MCMDC2: variants seen among roughly 807,000 people sequenced by gnomAD.
The protein encoded by MCMDC2 is minichromosome maintenance domain-containing protein 2.
A neutral mutation model predicts 75.8 loss-of-function variants in MCMDC2; 54 were observed. The ratio of observed to expected loss-of-function variants is 0.71; its 90% CI spans 0.57 to 0.89. MCMDC2 has a LOEUF of 0.89. MCMDC2 is among the 40% of genes least tolerant of loss of function. The pLI is 0.00. For missense variants in MCMDC2, 656 were observed against 780.4 expected, an observed-to-expected ratio of 0.84 and a Z score of 1.90; for synonymous variants, 249 against 274.6, an observed-to-expected ratio of 0.91 and a Z score of 0.92.
chr8:66,908,184 A>G (rs1812977483), intron 14 of MCMDC2, among the ~76,000 whole-genome samples: 2 of 152,114 alleles, frequency 1.3e-5, no homozygotes. Flanking sequence ...GTTTTCTTCT[A>G]GGGTTTTTAT....
intron 14 of MCMDC2, among the ~76,000 whole-genome samples, chr8:66,909,437 G>A (rs1033438177): frequency 4.6e-5 from 7 of 152,312 alleles, no homozygotes; most frequent in Non-Finnish European, 8.8e-5. Context: ...AAGAAGATAG[G>A]AAGATGTGGG....
intron 14 of MCMDC2, among the ~76,000 whole-genome samples, chr8:66,910,701 T>C (rs1813075721): frequency 6.6e-6 from 1 of 151,818 alleles, no homozygotes. Context: ...CCCAGCTACT[T>C]GGTAGGCTGA....
At chr8:66,906,571 G>A (rs1294021574) in intron 14 of MCMDC2, among the ~76,000 whole-genome samples, 1 of 151,808 alleles carries the variant, frequency 6.6e-6, no homozygotes, top group East Asian at 1.9e-4. Flanking sequence ...GAGGAACATA[G>A]AGCATTAATT....
At chr8:66,887,409 G>A (rs191488556) in intron 9 of MCMDC2, among the ~76,000 whole-genome samples, 2 of 151,612 alleles carry the variant, frequency 1.3e-5, no homozygotes, top group African/African-American at 2.4e-5. Context: ...AAAATTAGCC[G>A]GGCATAGTGG....
intron 12 of MCMDC2, among the ~76,000 whole-genome samples, chr8:66,898,048 TTAGAA>T (rs1456811474): frequency 1.3e-5 from 2 of 152,050 alleles, no homozygotes; most frequent in Non-Finnish European, 2.9e-5. Context: ...TTCACATAGA[TTAGAA>T]TAGAAAAAAG....
intron 9 of MCMDC2, among the ~76,000 whole-genome samples, chr8:66,886,748 C>T (rs1001320286): frequency 6.6e-6 from 1 of 150,800 alleles, no homozygotes; most frequent in East Asian, 2.0e-4. Context: ...GCACTCCAGC[C>T]TGGGCAACAG....
intron 4 of MCMDC2, among the ~76,000 whole-genome samples, chr8:66,875,029 C>T (rs756112123): frequency 9.2e-5 from 14 of 152,172 alleles, no homozygotes; most frequent in Non-Finnish European, 1.8e-4. Context: ...GCTGGGATTA[C>T]AGGCGTGAGC....
chr8:66,890,945 G>A lies in MCMDC2; in HGVS notation c.1154G>A (p.Arg385Lys). The change falls in exon 10 of 15, where the codon AGG becomes AAG. Residue 385 changes from arginine to lysine, a missense_variant. Physicochemically the swap from Arg to Lys is conservative, Grantham distance 26. Coordinates refer to ENST00000422365, the MANE Select transcript of MCMDC2 (RefSeq NM_173518.5). ...ACTGAAATTTTTCCCACTCTATCCAGGAATAAGTATGGAACTGGAGCAGTT... is the reference window on the plus strand; with the variant it reads ...ACTGAAATTTTTCCCACTCTATCCAAGAATAAGTATGGAACTGGAGCAGTT... ...VSTEIFPTLS[R>K]NKYGTGAVSI... 2 of 1,613,736 alleles carry A rather than the reference G, an allele frequency of 1.2e-6. No individual in the cohort carries two copies. The highest frequency in any genetic ancestry group is 3.3e-4 in the Middle Eastern group (2 of 6,062).
intron 1 of MCMDC2, among the ~76,000 whole-genome samples, chr8:66,873,556 T>G (rs1228675173): frequency 6.6e-6 from 1 of 152,078 alleles, no homozygotes; most frequent in East Asian, 1.9e-4. Context: ...GTTTTTAAGT[T>G]TTCGATCTTG....
chr8:66,877,680 C>T (rs1811358418), intron 5 of MCMDC2, 136 bp downstream of exon 5: 1 of 574,834 alleles, frequency 1.7e-6, no homozygotes, highest in Admixed American at 3.8e-5. Context: ...GCCTGGGCAA[C>T]ATGGAGAAAC....
chr8:66,877,295 C>A, intron 4 of MCMDC2, 54 bp from the exon 5 acceptor site: 1 of 1,146,312 alleles, frequency 8.7e-7, no homozygotes, highest in Non-Finnish European at 1.3e-6. Context: ...TATTGTAATA[C>A]AAGTCAAATT....
At chr8:66,898,807 T>G (rs1812485544) in intron 12 of MCMDC2, among the ~76,000 whole-genome samples, 2 of 152,090 alleles carry the variant, frequency 1.3e-5, no homozygotes, top group Non-Finnish European at 2.9e-5. Flanking sequence ...GGGTAAAATT[T>G]AGATGCACAA....
At chr8:66,885,390 G>T in intron 9 of MCMDC2, among the ~76,000 whole-genome samples, 1 of 149,794 alleles carries the variant, frequency 6.7e-6, no homozygotes. Flanking sequence ...ATTTTAATTT[G>T]CATTTATTTA....
In MCMDC2 at chr8:66,919,948, A is replaced by C. The variant is rs1813458155; in HGVS notation, c.*779A>C. 6.6e-6 allele frequency: 1 copy of C among 152,194 alleles called. No individual in the cohort carries two copies. Among genetic ancestry groups the C allele is most frequent in the Admixed American group, 6.5e-5 (1 of 15,280 alleles). The allele number at this position is 152,194 out of a possible 1,614,324, so 9.4% of individuals were successfully genotyped here. On this transcript the variant is annotated 3_prime_UTR_variant, in exon 15 of 15. Coordinates refer to ENST00000422365, the MANE Select transcript of MCMDC2 (RefSeq NM_173518.5). ...AAGATAGGGGCACCATGAGAAAACA[A>C]ATCCATCTTGTAAAATTTATAAATC...
rs985969771 is a variant in MCMDC2 at position 66,921,193 on chromosome 8, G to A, written c.*2024G>A. On this transcript the variant is annotated 3_prime_UTR_variant, in exon 15 of 15. Transcript: ENST00000422365. ...GTACATTCAGAAACAATTATGGGAG[G>A]TAATTCATTAATATTAAATATGCCA... 3.3e-5 allele frequency: 5 copies of A among 152,076 alleles called. No individual in the cohort carries two copies. Among genetic ancestry groups the A allele is most frequent in the Non-Finnish European group, 7.4e-5 (5 of 68,022 alleles). 9.4% of individuals were successfully genotyped at this position (152,076 alleles called of 1,614,324 possible). A position where few individuals can be genotyped will look rare whatever the true frequency, so the allele number is the denominator to read the frequency against.
Position 66,919,104 on chromosome 8 carries a change from C to G in MCMDC2, c.1981C>G (p.Gln661Glu). The change falls in exon 15 of 15, where the codon CAA becomes GAA. Residue 661 changes from glutamine (Q) to glutamate (E), a missense_variant. Coordinates refer to ENST00000422365, the MANE Select transcript of MCMDC2 (RefSeq NM_173518.5). ...GGATCTCTATCTGACTCAGTGCCAA[C>G]AACAGCTGGAACAATTTATTGCCAC... ...QRDLYLTQCQ[Q>E]QLEQFIATYG... 3.2e-6 allele frequency: 5 copies of G among 1,550,650 alleles called. No individual in the cohort carries two copies. The highest frequency in any genetic ancestry group is 3.5e-6 in the Non-Finnish European group (4 of 1,146,486).
downstream of MCMDC2, among the ~76,000 whole-genome samples, chr8:66,923,590 C>T (rs1401876683): frequency 6.6e-6 from 1 of 152,020 alleles, no homozygotes; most frequent in African/African-American, 2.4e-5. Flanking sequence ...ATGCATAATC[C>T]TGTCTTTACA....
chr8:66,881,579 G>C (rs1811564050), intron 8 of MCMDC2, among the ~76,000 whole-genome samples: 1 of 152,188 alleles, frequency 6.6e-6, no homozygotes, highest in Non-Finnish European at 1.5e-5. Context: ...CCAGCTACTT[G>C]GGAGGCTGAG....
At chr8:66,917,679 CT>C (rs1390323130) in intron 14 of MCMDC2, among the ~76,000 whole-genome samples, 1 of 152,142 alleles carries the variant, frequency 6.6e-6, no homozygotes, top group Non-Finnish European at 1.5e-5. Flanking sequence ...TCATAACTGG[CT>C]TATTTCACTT....
Sources: gnomAD v4.1 joint callset for allele counts (sites outside exome capture counted in the v4.1 genomes callset) on GRCh38, gnomAD v4.1.1 for gene constraint, MANE v1.5 for transcripts, NCBI Gene and HGNC (gene_info 2026-07-23, HGNC 2026-07-21) for gene names.